GPCPD1: variants seen among roughly 807,000 people sequenced by gnomAD.
GPCPD1 encodes the protein glycerophosphocholine phosphodiesterase GPCPD1.
Under a neutral mutation model 89.2 loss-of-function variants are expected in GPCPD1, and 29 were observed. The observed-to-expected ratio is 0.33, with a 90% CI of 0.24 to 0.44. The LOEUF (loss-of-function observed/expected upper bound fraction) is 0.44, where lower values mean the gene tolerates loss of function less well. Among genes scored for constraint, GPCPD1 ranks in the 20% least tolerant of loss-of-function variants. The pLI, the probability that GPCPD1 is intolerant of heterozygous loss-of-function variation, is 1.00. For missense variants in GPCPD1, 594 were observed against 808.9 expected, an observed-to-expected ratio of 0.73 and a Z score of 3.22; for synonymous variants, 258 against 266.3, an observed-to-expected ratio of 0.97 and a Z score of 0.30.
chr20:5,587,936 A>G (rs1979042996), intron 4 of GPCPD1, among the ~76,000 whole-genome samples: 1 of 152,180 alleles, frequency 6.6e-6, no homozygotes, highest in South Asian at 2.1e-4. Context: ...ATAGCACGAT[A>G]TATTTCTTCA....
At chr20:5,602,879 A>G (rs182653507) in intron 2 of GPCPD1, among the ~76,000 whole-genome samples, 3 of 152,068 alleles carry the variant, frequency 2.0e-5, no homozygotes, top group Admixed American at 1.3e-4. Context: ...GCTACTCAGG[A>G]GCCCAAAACA....
intron 15 of GPCPD1, 92 bp downstream of exon 15, chr20:5,564,925 C>T (rs1360807075): frequency 2.7e-6 from 2 of 735,334 alleles, no homozygotes; most frequent in African/African-American, 1.8e-5. Flanking sequence ...TTTAACACAG[C>T]CTTTTTAGGA....
intron 1 of GPCPD1, among the ~76,000 whole-genome samples, chr20:5,607,696 C>G (rs529824267): frequency 6.6e-6 from 1 of 151,520 alleles, no homozygotes; most frequent in Non-Finnish European, 1.5e-5. Context: ...TGGTGGCTCA[C>G]GCCTATAATC....
intron 4 of GPCPD1, among the ~76,000 whole-genome samples, chr20:5,589,211 G>GA (rs1216299042): frequency 3.3e-5 from 5 of 151,654 alleles, no homozygotes; most frequent in African/African-American, 1.2e-4. Flanking sequence ...TTATAATATA[G>GA]AAAAAAAAGA....
In GPCPD1 at chr20:5,546,403, TTTC is replaced by T. The variant is rs1342982992; in HGVS notation, c.*1255_*1257del. 2.4e-4 allele frequency: 36 copies of T among 152,210 alleles called. No homozygotes were observed. Among genetic ancestry groups the T allele is most frequent in the African/African-American group, 8.0e-4 (33 of 41,460 alleles). The allele number at this position is 152,210 out of a possible 1,614,324, so 9.4% of individuals were successfully genotyped here. A position where few individuals can be genotyped will look rare whatever the true frequency, so the allele number is the denominator to read the frequency against. ...CTTTAGGGTAGACACTATATTAAAATTTCTTGTCATATTATAAAACCATTCTAC... is the reference window on the plus strand; with the variant it reads ...CTTTAGGGTAGACACTATATTAAAATTTGTCATATTATAAAACCATTCTAC... On this transcript the variant is annotated 3_prime_UTR_variant, in exon 20 of 20. Coordinates refer to ENST00000379019, the MANE Select transcript of GPCPD1 (RefSeq NM_019593.5).
chr20:5,558,958 T>TG, intron 17 of GPCPD1, 139 bp from the exon 18 acceptor site: 1 of 595,432 alleles, frequency 1.7e-6, no homozygotes, highest in Non-Finnish European at 2.8e-6. Context: ...ATCCCAACAC[T>TG]TTGGGAGGCC....
chr20:5,554,303 T>C lies in GPCPD1; in HGVS notation c.1829+3642A>G, dbSNP rs74559878. On this transcript the variant is annotated intron_variant, in intron 19 of 19. Transcript: ENST00000379019. The stretch of plus-strand genomic sequence containing the variant: ...CCGGCCGAACAACAGATTTTCAATG[T>C]AGACAAAACAGCCTTCTATTGGAAG... 4.2e-3 allele frequency among the ~76,000 whole-genome samples: 645 copies of C among 152,224 alleles called. 11 individuals are homozygous for C. The highest frequency in any genetic ancestry group is 0.011 in the South Asian group (51 of 4,808).
Position 5,578,620 on chromosome 20 carries a change from TAAAC to T in GPCPD1, c.474-13_474-10del, listed in dbSNP as rs772614286. 10 of 1,524,942 alleles carry T rather than the reference TAAAC, an allele frequency of 6.6e-6. No individual in the cohort carries two copies. The highest frequency in any genetic ancestry group is 2.2e-5 in the South Asian group (2 of 89,108). 94.5% of individuals were successfully genotyped at this position (1,524,942 alleles called of 1,614,324 possible). On this transcript the variant is annotated splice_polypyrimidine_tract_variant and intron_variant, in intron 7 of 19. Transcript: ENST00000379019. ...CTAGTGTCAGCTTCACCCTACGTAA[TAAAC>T]AAAATAATGAGATGCAAGAAGTGGC...
chr20:5,580,882 T>A (rs1268544413), intron 6 of GPCPD1, among the ~76,000 whole-genome samples: 1 of 151,894 alleles, frequency 6.6e-6, no homozygotes, highest in Non-Finnish European at 1.5e-5. Flanking sequence ...ATTCCATTTT[T>A]TTTTTTTTTG....
rs965792076 is a variant in GPCPD1, at chr20:5,598,671, ACAT to A, written c.146+51_146+53del. 22 of 1,022,052 alleles carry A rather than the reference ACAT, an allele frequency of 2.2e-5. No individual in the cohort carries two copies. The African/African-American group carries it at 3.3e-4, about 15-fold the overall frequency. 63.3% of individuals were successfully genotyped at this position (1,022,052 alleles called of 1,614,324 possible). ...TACCAAGATATCTTAAAAGCCCCTA[ACAT>A]CATAAGGTTAATGTCACAGTTATTC... On this transcript the variant is annotated intron_variant, in intron 3 of 19. Coordinates refer to ENST00000379019, the MANE Select transcript of GPCPD1 (RefSeq NM_019593.5).
intron 16 of GPCPD1, among the ~76,000 whole-genome samples, chr20:5,560,684 C>T (rs1000675275): frequency 7.9e-5 from 12 of 152,146 alleles, no homozygotes; most frequent in Non-Finnish European, 1.5e-5. Context: ...GAATTCACTA[C>T]ATTAATGAGG....
chr20:5,558,620 C>A (rs1315751069), intron 18 of GPCPD1, 64 bp downstream of exon 18: 3 of 975,526 alleles, frequency 3.1e-6, no homozygotes, highest in Non-Finnish European at 4.6e-6. Context: ...AATATGAAAT[C>A]TTTACTACTA....
chr20:5,600,626 G>A (rs1980063267), intron 2 of GPCPD1, among the ~76,000 whole-genome samples: 1 of 152,216 alleles, frequency 6.6e-6, no homozygotes, highest in Non-Finnish European at 1.5e-5. Flanking sequence ...TAGGTCAGGA[G>A]TTCAAGACCA....
intron 2 of GPCPD1, 51 bp from the exon 3 acceptor site, chr20:5,598,872 T>C: frequency 8.6e-7 from 1 of 1,161,916 alleles, no homozygotes. Context: ...TCAGTCACAG[T>C]GGGATAAGCA....
chr20:5,567,434 A>G (rs910162543), intron 13 of GPCPD1, 49 bp downstream of exon 13: 13 of 1,533,420 alleles, frequency 8.5e-6, no homozygotes, highest in East Asian at 2.3e-5. Context: ...AGCAAGTACA[A>G]TAGTCCTAAA....
chr20:5,548,986 A>G, intron 19 of GPCPD1: 1 of 886,040 alleles, frequency 1.1e-6, no homozygotes, highest in Non-Finnish European at 1.7e-6. Flanking sequence ...AAAAAGATAA[A>G]AGCAAAACTT....
chr20:5,560,053 T>C lies in GPCPD1; in HGVS notation c.1419A>G (p.Leu473=). The change falls in exon 17 of 20, where the codon TTA becomes TTG. Residue 473 remains leucine (L), a synonymous_variant. Coordinates refer to ENST00000379019, the MANE Select transcript of GPCPD1 (RefSeq NM_019593.5). ...QQRDGMWDGN[L]STYFDMNLFL... ...ACAGATTCATGTCAAAATATGTTGATAAGTTACCATCCCACATTCCATCCT... is the reference window on the plus strand; with the variant it reads ...ACAGATTCATGTCAAAATATGTTGACAAGTTACCATCCCACATTCCATCCT... 1 of 1,579,912 alleles carries C rather than the reference T, an allele frequency of 6.3e-7. No individual in the cohort carries two copies. The highest frequency in any genetic ancestry group is 8.6e-7 in the Non-Finnish European group (1 of 1,163,886).
intron 14 of GPCPD1, among the ~76,000 whole-genome samples, chr20:5,565,562 G>A (rs2122606635): frequency 6.6e-6 from 1 of 152,182 alleles, no homozygotes; most frequent in South Asian, 2.1e-4. Flanking sequence ...GCTCTTGTAT[G>A]TATTAAACAT....
chr20:5,593,153 A>G (rs1979449881), intron 4 of GPCPD1, among the ~76,000 whole-genome samples, 174 bp downstream of exon 4: 1 of 152,230 alleles, frequency 6.6e-6, no homozygotes, highest in African/African-American at 2.4e-5. Context: ...CATGGCAGAC[A>G]TCATCTGCCT....
Sources: allele counts gnomAD v4.1 joint callset (sites outside exome capture counted in the v4.1 genomes callset), GRCh38; gene constraint gnomAD v4.1.1; transcripts MANE v1.5; gene names NCBI Gene and HGNC (gene_info 2026-07-23, HGNC 2026-07-21).